BANK1: variants seen among roughly 807,000 people sequenced by gnomAD.
BANK1 encodes the protein B cell scaffold protein with ankyrin repeats 1.
Under a neutral mutation model 94.5 loss-of-function variants are expected in BANK1, and 95 were observed. That is an observed-to-expected ratio of 1.00 (90% CI 0.85 to 1.19). BANK1 has a LOEUF of 1.19. Ranked by LOEUF, BANK1 falls within the 50% of genes most tolerant of loss-of-function variation. BANK1 has a pLI of 0.00. For synonymous variants in BANK1, 334 were observed against 308.4 expected, an observed-to-expected ratio of 1.08 and a Z score of -0.87; for missense variants, 987 against 932.2, an observed-to-expected ratio of 1.06 and a Z score of -0.77.
chr4:101,879,032 G>A (rs1218813219), intron 5 of BANK1, among the ~76,000 whole-genome samples: 4 of 151,490 alleles, frequency 2.6e-5, no homozygotes, highest in East Asian at 1.9e-4. Context: ...ACAATGTACC[G>A]ATACATCTTA....
chr4:101,966,273 T>C (rs914899463), intron 7 of BANK1, among the ~76,000 whole-genome samples: 10 of 152,024 alleles, frequency 6.6e-5, no homozygotes, highest in Admixed American at 2.0e-4. Context: ...GAGGACAAGA[T>C]TTAGGGAAGC....
intron 13 of BANK1, 111 bp from the exon 14 acceptor site, chr4:102,071,164 C>A: frequency 8.1e-7 from 1 of 1,240,346 alleles, no homozygotes; most frequent in Non-Finnish European, 1.2e-6. Flanking sequence ...TGTGAGATTT[C>A]ATAGCAACCT....
chr4:101,796,994 A>G (rs1725178008), intron 1 of BANK1, among the ~76,000 whole-genome samples: 1 of 152,188 alleles, frequency 6.6e-6, no homozygotes, highest in South Asian at 2.1e-4. Context: ...ATAAAACTTT[A>G]TATACAATCT....
At chr4:102,069,006 TG>T (rs1728677211) in intron 13 of BANK1, among the ~76,000 whole-genome samples, 1 of 152,206 alleles carries the variant, frequency 6.6e-6, no homozygotes, top group Admixed American at 6.5e-5. Flanking sequence ...TTTAGAACTT[TG>T]TTAATATTTT....
chr4:101,881,232 A>G (rs1364771353), intron 5 of BANK1, among the ~76,000 whole-genome samples: 1 of 152,072 alleles, frequency 6.6e-6, no homozygotes, highest in African/African-American at 2.4e-5. Flanking sequence ...ATGGAAAAAA[A>G]AATCTAGTAA....
At chr4:102,007,112 AAT>A (rs1273362593) in intron 7 of BANK1, among the ~76,000 whole-genome samples, 7 of 50,708 alleles carry the variant, frequency 1.4e-4, no homozygotes, top group African/African-American at 4.1e-4. Flanking sequence ...TATATATATA[AAT>A]ATATATTTTA....
rs182619514 is a variant in BANK1 at position 101,830,834 on chromosome 4, A to G, written c.469+628A>G. Among the ~76,000 whole-genome samples the G allele has an allele frequency of 1.2e-4, 19 of 152,236 alleles. No individual in the cohort carries two copies. The East Asian group carries it at 2.9e-3, about 23-fold the overall frequency. On this transcript the variant is annotated intron_variant, in intron 2 of 16. Transcript: ENST00000322953. ...AGTCTGCCCTTTGCTCTCAACTCCC[A>G]GTCTTCTAACTATGGTTTCATGGCT...
At chr4:101,994,603 A>G (rs1435827873) in intron 7 of BANK1, among the ~76,000 whole-genome samples, 1 of 152,164 alleles carries the variant, frequency 6.6e-6, no homozygotes, top group East Asian at 1.9e-4. Context: ...GAAAAGCAGT[A>G]TGTTAGGGCT....
At chr4:101,840,891 G>A (rs1727022761) in intron 2 of BANK1, among the ~76,000 whole-genome samples, 1 of 152,136 alleles carries the variant, frequency 6.6e-6, no homozygotes, top group Admixed American at 6.5e-5. Context: ...ATGCAGTGGT[G>A]CGATCTCAGC....
Position 101,822,300 on chromosome 4 carries a change from G to A in BANK1, c.71-7508G>A, listed in dbSNP as rs1455974193. Among the ~76,000 whole-genome samples, 4 of 151,962 alleles carry A rather than the reference G, an allele frequency of 2.6e-5. 1 individual carries two copies. In the East Asian group the frequency reaches 5.8e-4, roughly 22 times the overall value. The stretch of plus-strand genomic sequence containing the variant: ...TGGGACGATCGCTTAAGCCTGGGAG[G>A]CGGAGGTTGAACTGAGCCCCAAGAT... On this transcript the variant is annotated intron_variant, in intron 1 of 16. Transcript: ENST00000322953.
At chr4:101,940,455 T>G (rs549618787) in intron 7 of BANK1, among the ~76,000 whole-genome samples, 1 of 151,890 alleles carries the variant, frequency 6.6e-6, no homozygotes, top group African/African-American at 2.4e-5. Flanking sequence ...TACCATTAAC[T>G]AAATCACACA....
intron 5 of BANK1, among the ~76,000 whole-genome samples, chr4:101,888,780 T>A (rs1456474499): frequency 6.6e-6 from 1 of 152,136 alleles, no homozygotes; most frequent in East Asian, 1.9e-4. Flanking sequence ...GTTATTACTA[T>A]TAGTTAAACT....
At chr4:101,869,170 T>C (rs907142345) in intron 4 of BANK1, among the ~76,000 whole-genome samples, 1 of 151,900 alleles carries the variant, frequency 6.6e-6, no homozygotes, top group Non-Finnish European at 1.5e-5. Context: ...ATGGTAAAAC[T>C]CCTAATCTCT....
At chr4:101,936,987 G>A (rs1331067963) in intron 7 of BANK1, among the ~76,000 whole-genome samples, 2 of 151,566 alleles carry the variant, frequency 1.3e-5, no homozygotes, top group Non-Finnish European at 1.5e-5. Flanking sequence ...ATTTTGAAGA[G>A]ATAACTGCAC....
At chr4:102,022,849 T>C (rs1726960583) in intron 8 of BANK1, among the ~76,000 whole-genome samples, 1 of 152,176 alleles carries the variant, frequency 6.6e-6, no homozygotes. Flanking sequence ...ATCTTACTCA[T>C]TCACAAACCA....
At chr4:101,930,288 A>AAT (rs1007165983) in intron 7 of BANK1, among the ~76,000 whole-genome samples, 12 of 150,784 alleles carry the variant, frequency 8.0e-5, no homozygotes, top group Admixed American at 1.3e-4. Flanking sequence ...TGTATATATG[A>AAT]ATATATATAT....
At chr4:101,943,061 C>A (rs1199696705) in intron 7 of BANK1, among the ~76,000 whole-genome samples, 3 of 151,806 alleles carry the variant, frequency 2.0e-5, no homozygotes, top group Non-Finnish European at 1.5e-5. Flanking sequence ...AAAGAATGGA[C>A]CTTCCAGGCA....
intron 4 of BANK1, among the ~76,000 whole-genome samples, chr4:101,867,175 TTA>T (rs368889244): frequency 0.011 from 371 of 34,234 alleles, 72 homozygotes; most frequent in African/African-American, 0.055. Flanking sequence ...TAAAAAAAAT[TTA>T]AAAAAAAAAA....
At chr4:101,963,216 C>A (rs1724632702) in intron 7 of BANK1, among the ~76,000 whole-genome samples, 1 of 152,096 alleles carries the variant, frequency 6.6e-6, no homozygotes, top group Admixed American at 6.6e-5. Context: ...CCAAAAGCTT[C>A]ATGGCTATTC....
Sources: allele counts gnomAD v4.1 joint callset (sites outside exome capture counted in the v4.1 genomes callset), GRCh38; gene constraint gnomAD v4.1.1; transcripts MANE v1.5; gene names NCBI Gene and HGNC (gene_info 2026-07-23, HGNC 2026-07-21).